The following TENM3 variants were observed in gnomAD, a reference collection of about 807,000 sequenced individuals.
TENM3 encodes the protein teneurin transmembrane protein 3, also known as teneurin-3.
Under a neutral mutation model 255.1 loss-of-function variants are expected in TENM3, and 63 were observed. The observed-to-expected ratio is 0.25, with a 90% CI of 0.20 to 0.30. The LOEUF (loss-of-function observed/expected upper bound fraction) is 0.30, where lower values mean the gene tolerates loss of function less well. Among genes scored for constraint, TENM3 ranks in the 10% least tolerant of loss-of-function variants. The pLI is 1.00. For missense variants in TENM3, 2,929 were observed against 3,461.1 expected, an observed-to-expected ratio of 0.85 and a Z score of 3.86; for synonymous variants, 1,306 against 1,322.3, an observed-to-expected ratio of 0.99 and a Z score of 0.27.
chr4:181,798,298 T>C, the TENM3 span, among the ~76,000 whole-genome samples: 1 of 152,020 alleles, frequency 6.6e-6, no homozygotes, highest in Non-Finnish European at 1.5e-5. Context: ...CTTTTCTTTA[T>C]TTTTTATTTA....
At chr4:181,822,142 A>T in the TENM3 span, among the ~76,000 whole-genome samples, 1 of 152,128 alleles carries the variant, frequency 6.6e-6, no homozygotes, top group Non-Finnish European at 1.5e-5. Flanking sequence ...ATCTTAGGAG[A>T]TCTTTCTCCC....
the TENM3 span, among the ~76,000 whole-genome samples, chr4:181,727,997 A>T: frequency 1.3e-5 from 2 of 152,216 alleles, no homozygotes; most frequent in Non-Finnish European, 2.9e-5. Flanking sequence ...ATGATTTTTT[A>T]AATTGCTTAT....
the TENM3 span, among the ~76,000 whole-genome samples, chr4:181,718,928 C>T: frequency 1.3e-5 from 2 of 152,144 alleles, no homozygotes; most frequent in South Asian, 4.1e-4. Context: ...AAAAATGGGC[C>T]GGGCGCGGCG....
chr4:181,959,346 G>C, the TENM3 span, among the ~76,000 whole-genome samples: 2 of 152,146 alleles, frequency 1.3e-5, no homozygotes, highest in East Asian at 3.9e-4. Flanking sequence ...ACTCACTGAA[G>C]CTGGGGGCAG....
intron 4 of TENM3, among the ~76,000 whole-genome samples, chr4:182,613,078 T>G (rs746215275): frequency 6.6e-5 from 10 of 152,200 alleles, no homozygotes; most frequent in Non-Finnish European, 1.5e-4. Flanking sequence ...AGAAAGAACT[T>G]TAGTGAACAA....
intron 24 of TENM3, among the ~76,000 whole-genome samples, chr4:182,786,556 TAAAA>T (rs79660444): frequency 1.4e-5 from 1 of 71,118 alleles, no homozygotes; most frequent in Non-Finnish European, 2.7e-5. Context: ...GACCCCGTCT[TAAAA>T]AAAAAAAAAA....
chr4:182,680,224 G>T (rs1251501551), intron 8 of TENM3, 24 bp from the exon 9 acceptor site: 2 of 1,532,688 alleles, frequency 1.3e-6, no homozygotes, highest in Non-Finnish European at 1.8e-6. Context: ...TACAACAAGT[G>T]TTCCTTCTTT....
intron 3 of TENM3, among the ~76,000 whole-genome samples, chr4:182,562,380 T>TC (rs926233862): frequency 3.9e-5 from 6 of 152,138 alleles, no homozygotes; most frequent in African/African-American, 1.2e-4. Context: ...TATGTTGAAG[T>TC]CCTACCCACA....
At chr4:182,245,986 A>G (rs1757617416) in intron 1 of TENM3, among the ~76,000 whole-genome samples, 1 of 152,176 alleles carries the variant, frequency 6.6e-6, no homozygotes, top group African/African-American at 2.4e-5. Context: ...CTCTGTGGTT[A>G]ACAGTGACTC....
the TENM3 span, among the ~76,000 whole-genome samples, chr4:181,529,742 G>A: frequency 6.6e-6 from 1 of 152,154 alleles, no homozygotes; most frequent in Non-Finnish European, 1.5e-5. Context: ...TTGTGGCCAG[G>A]GGCAAACATT....
At chr4:182,067,601 A>G in the TENM3 span, among the ~76,000 whole-genome samples, 1 of 152,174 alleles carries the variant, frequency 6.6e-6, no homozygotes, top group Non-Finnish European at 1.5e-5. Context: ...AGGATAGAGG[A>G]AACCCCAAGT....
intron 4 of TENM3, among the ~76,000 whole-genome samples, chr4:182,615,816 T>C (rs1434887234): frequency 2.6e-5 from 4 of 152,194 alleles, no homozygotes; most frequent in Non-Finnish European, 5.9e-5. Flanking sequence ...GAGCGTTGTA[T>C]AACTCATTTG....
chr4:181,733,524 G>A, the TENM3 span, among the ~76,000 whole-genome samples: 3 of 152,110 alleles, frequency 2.0e-5, no homozygotes, highest in Admixed American at 6.5e-5. Flanking sequence ...CTTAGATAAC[G>A]CTTGAGCATA....
At chr4:182,213,426 T>A (rs961694460) in intron 1 of TENM3, among the ~76,000 whole-genome samples, 1 of 152,236 alleles carries the variant, frequency 6.6e-6, no homozygotes, top group Non-Finnish European at 1.5e-5. Flanking sequence ...CAAGTATTTT[T>A]AGCCTCAGAA....
At chr4:182,673,348 A>AGTC in intron 7 of TENM3, 129 bp downstream of exon 7, 1 of 618,820 alleles carries the variant, frequency 1.6e-6, no homozygotes, top group Non-Finnish European at 2.8e-6. Flanking sequence ...TACAGTAGAA[A>AGTC]GAGTTTTGAA....
chr4:182,143,469 G>C (rs1042373494), upstream of TENM3: 1 of 166,886 alleles, frequency 6.0e-6, no homozygotes, highest in Non-Finnish European at 1.5e-5. This position sits in a 1 kb window ranked among gnomAD's most constrained non-coding sequence, Gnocchi z 4.3. Context: ...ACACCCTTCT[G>C]CCTCGGAATC....
chr4:182,036,347 T>G, the TENM3 span, among the ~76,000 whole-genome samples: 1 of 152,064 alleles, frequency 6.6e-6, no homozygotes, highest in Non-Finnish European at 1.5e-5. Flanking sequence ...CCCGCCACCA[T>G]GCCCGGCTAA....
At chr4:182,517,719 A>G (rs2151759595) in intron 3 of TENM3, among the ~76,000 whole-genome samples, 1 of 152,310 alleles carries the variant, frequency 6.6e-6, no homozygotes, top group East Asian at 1.9e-4. Context: ...ATAATAGTCA[A>G]CATAGTATGG....
the TENM3 span, among the ~76,000 whole-genome samples, chr4:181,629,835 G>A: frequency 6.6e-6 from 1 of 152,172 alleles, no homozygotes; most frequent in African/African-American, 2.4e-5. Context: ...TTGCTATCAG[G>A]ATGATGCCGA....
Sources: gnomAD v4.1 joint callset for allele counts (sites outside exome capture counted in the v4.1 genomes callset) on GRCh38, gnomAD v4.1.1 for gene constraint, Gnocchi (gnomAD v3.1) non-coding constraint, MANE v1.5 for transcripts, NCBI Gene and HGNC (gene_info 2026-07-23, HGNC 2026-07-21) for gene names.